SLC2A9: variants seen among roughly 807,000 people sequenced by gnomAD.
The protein encoded by SLC2A9 is solute carrier family 2, facilitated glucose transporter member 9.
SLC2A9 carries 39 observed loss-of-function variants against 50.6 expected under a neutral mutation model. The observed-to-expected ratio is 0.77, with a 90% CI of 0.60 to 1.01. The LOEUF (loss-of-function observed/expected upper bound fraction) is 1.01, where lower values mean the gene tolerates loss of function less well. SLC2A9 is among the 50% of genes least tolerant of loss of function. The pLI is 0.00. For synonymous variants in SLC2A9, 324 were observed against 276.9 expected (o/e 1.17, Z -1.69); for missense variants, 686 against 677.6 (o/e 1.01, Z -0.14).
chr4:10,021,249 C>G (rs777374241), intron 1 of SLC2A9, 31 bp downstream of exon 1: 1 of 1,609,986 alleles, frequency 6.2e-7, no homozygotes, highest in Non-Finnish European at 8.5e-7. Flanking sequence ...CCACAGCCCG[C>G]CAGCCATGCA....
At chr4:9,924,975 C>G (rs1175008695) in intron 6 of SLC2A9, among the ~76,000 whole-genome samples, 1 of 152,236 alleles carries the variant, frequency 6.6e-6, no homozygotes, top group Non-Finnish European at 1.5e-5. Context: ...TTGGGCCACT[C>G]TTCTGCACAC....
chr4:9,856,797 G>T (rs1487578160), intron 10 of SLC2A9, among the ~76,000 whole-genome samples: 1 of 152,136 alleles, frequency 6.6e-6, no homozygotes, highest in African/African-American at 2.4e-5. Context: ...AAAAGAAAAA[G>T]ATCACGTCTT....
chr4:9,920,516 C>G lies in SLC2A9; in HGVS notation c.871G>C (p.Ala291Pro). ...ATGCTCCTCTGCACGCGGCTCTCAG[C>G]CAGGACCTCCTCTACCTCTTGGGAA... ...DVSQEVEEVL[A>P]ESRVQRSIRL... is the part of the protein sequence containing the mutation. The change falls in exon 7 of 12, where the codon GCT becomes CCT. Residue 291 changes from alanine (A) to proline (P), a missense_variant. Physicochemically the swap from Ala to Pro is conservative, Grantham distance 27 (BLOSUM62 -1). Coordinates refer to ENST00000264784, the MANE Select transcript of SLC2A9 (RefSeq NM_020041.3). The G allele has an allele frequency of 1.2e-6, 2 of 1,614,172 alleles. No individual in the cohort carries two copies. Among genetic ancestry groups the G allele is most frequent in the East Asian group, 4.5e-5 (2 of 44,882 alleles).
downstream of SLC2A9, among the ~76,000 whole-genome samples, chr4:9,822,243 G>A (rs1177410489): frequency 6.6e-6 from 1 of 151,922 alleles, no homozygotes; most frequent in Non-Finnish European, 1.5e-5. Context: ...TGGTTTCATC[G>A]ATTTTCTTAT....
At chr4:9,928,683 G>A (rs761269681) in intron 6 of SLC2A9, among the ~76,000 whole-genome samples, 1 of 152,144 alleles carries the variant, frequency 6.6e-6, no homozygotes, top group South Asian at 2.1e-4. Flanking sequence ...GCAGTGAGCC[G>A]AAAGTGCATC....
chr4:9,945,633 C>G (rs140558490), intron 5 of SLC2A9, among the ~76,000 whole-genome samples: 1 of 152,172 alleles, frequency 6.6e-6, no homozygotes, highest in Admixed American at 6.5e-5. Context: ...TAAGACATAC[C>G]TAGTGACCAG....
At chr4:9,791,042 A>T (rs1719854955) in intron 3 of SLC2A9, among the ~76,000 whole-genome samples, 1 of 152,158 alleles carries the variant, frequency 6.6e-6, no homozygotes, top group African/African-American at 2.4e-5. Context: ...CTAAACTCAA[A>T]CCTCACTGCA....
At chr4:9,969,434 A>G (rs4473653) in intron 5 of SLC2A9, among the ~76,000 whole-genome samples, 71,863 of 152,038 alleles carry the variant, frequency 0.47, 18,130 homozygotes, top group African/African-American at 0.64. Flanking sequence ...CTCTAAAGTT[A>G]TCTGCAATTA....
chr4:9,970,114 T>G (rs1753651100), intron 5 of SLC2A9, among the ~76,000 whole-genome samples: 1 of 152,178 alleles, frequency 6.6e-6, no homozygotes, highest in Non-Finnish European at 1.5e-5. Flanking sequence ...AGACTGCCTC[T>G]GTGACACACA....
intron 10 of SLC2A9, among the ~76,000 whole-genome samples, chr4:9,848,114 C>T (rs551422606): frequency 2.0e-5 from 3 of 152,152 alleles, no homozygotes; most frequent in Non-Finnish European, 4.4e-5. Context: ...TCTACTGTGT[C>T]CTCCCTAGGA....
downstream of SLC2A9, among the ~76,000 whole-genome samples, chr4:9,775,642 C>T (rs967796890): frequency 3.9e-5 from 6 of 151,926 alleles, no homozygotes; most frequent in South Asian, 2.1e-4. Flanking sequence ...CTCCCCACAC[C>T]CACCGACTCT....
intron 3 of SLC2A9, among the ~76,000 whole-genome samples, chr4:9,811,325 G>A (rs932907110): frequency 4.6e-5 from 7 of 152,150 alleles, no homozygotes; most frequent in African/African-American, 1.4e-4. Context: ...CCTTAAATTC[G>A]GGCTGGTCCC....
intron 10 of SLC2A9, among the ~76,000 whole-genome samples, chr4:9,876,017 G>A (rs897719779): frequency 2.0e-5 from 3 of 152,202 alleles, no homozygotes; most frequent in African/African-American, 7.2e-5. Flanking sequence ...TGATAAAAGC[G>A]GAAATGAATC....
At chr4:9,899,164 C>A (rs1739141823) in intron 8 of SLC2A9, among the ~76,000 whole-genome samples, 1 of 152,216 alleles carries the variant, frequency 6.6e-6, no homozygotes, top group South Asian at 2.1e-4. Context: ...CCGCAGGCAT[C>A]CCAAACAGCT....
In SLC2A9 at chr4:9,831,588, G is replaced by A. The variant is rs7687971; in HGVS notation, c.1419+3293C>T. On this transcript the variant is annotated intron_variant, in intron 11 of 11. Coordinates refer to ENST00000264784, the MANE Select transcript of SLC2A9 (RefSeq NM_020041.3). ...TAACTGCCCTGCTGACACTGTACAT[G>A]CACTCTTGCGCTGCCGCCCAGAGAA... 9.8e-3 allele frequency among the ~76,000 whole-genome samples: 1,492 copies of A among 152,312 alleles called. 30 individuals are homozygous for A. Among genetic ancestry groups the A allele is most frequent in the African/African-American group, 0.034 (1,410 of 41,564 alleles).
chr4:9,831,328 G>A (rs1726110369), intron 11 of SLC2A9, among the ~76,000 whole-genome samples: 1 of 152,012 alleles, frequency 6.6e-6, no homozygotes, highest in South Asian at 2.1e-4. Flanking sequence ...ATTCTCATAA[G>A]AGAGGAGAAG....
intron 11 of SLC2A9, 59 bp downstream of exon 11, chr4:9,834,822 C>A (rs1162267413): frequency 1.9e-6 from 3 of 1,612,476 alleles, no homozygotes; most frequent in Non-Finnish European, 2.5e-6. Context: ...TGAATCACCC[C>A]TCAAGTGCTG....
At position 9,881,087 on chromosome 4, in the gene SLC2A9, T is replaced by TGTCATCAGATGAGG. The variant is rs1466037852; in HGVS notation, c.1291+6479_1291+6480insCCTCATCTGATGAC. Among the ~76,000 whole-genome samples, 4 of 152,218 alleles carry TGTCATCAGATGAGG rather than the reference T, an allele frequency of 2.6e-5. No individual in the cohort carries two copies. In the East Asian group the frequency reaches 7.7e-4, roughly 29 times the overall value. ...CCGGGGAGTGGTTCCTGACGAGCAC[T>TGTCATCAGATGAGG]TAGCTGTCATCAGATGAGGCCTGAA... On this transcript the variant is annotated intron_variant, in intron 10 of 11. Transcript: ENST00000264784.
chr4:9,875,354 G>A (rs981405207), intron 10 of SLC2A9, among the ~76,000 whole-genome samples: 3 of 152,176 alleles, frequency 2.0e-5, no homozygotes, highest in Non-Finnish European at 4.4e-5. Context: ...ATGGGATGCT[G>A]TGTCTTTAGA....
Sources: allele counts gnomAD v4.1 joint callset (sites outside exome capture counted in the v4.1 genomes callset), GRCh38; gene constraint gnomAD v4.1.1; transcripts MANE v1.5; gene names NCBI Gene and HGNC (gene_info 2026-07-23, HGNC 2026-07-21).